SKAP1: variants seen among roughly 807,000 people sequenced by gnomAD.
SKAP1 encodes src kinase-associated phosphoprotein 1.
A neutral mutation model predicts 58.5 loss-of-function variants in SKAP1; 44 were observed. The observed-to-expected ratio is 0.75, with a 90% CI of 0.59 to 0.97. The LOEUF (loss-of-function observed/expected upper bound fraction) is 0.97, where lower values mean the gene tolerates loss of function less well. Among genes scored for constraint, SKAP1 ranks in the 50% least tolerant of loss-of-function variants. The pLI, the probability that SKAP1 is intolerant of heterozygous loss-of-function variation, is 0.00. For synonymous variants in SKAP1, 127 were observed against 149.7 expected (o/e 0.85, Z 1.11); for missense variants, 390 against 435.2 (o/e 0.90, Z 0.92).
At chr17:48,204,070 A>G (rs992809161) in intron 4 of SKAP1, 1 of 151,240 alleles carries the variant, frequency 6.6e-6, no homozygotes, top group African/African-American at 2.4e-5. Context: ...CCAAGATATA[A>G]ACTCAGATTT....
At chr17:48,356,640 C>G (rs1283688216) in intron 3 of SKAP1, among the ~76,000 whole-genome samples, 2 of 152,116 alleles carry the variant, frequency 1.3e-5, no homozygotes, top group African/African-American at 4.8e-5. Flanking sequence ...CTGTATCCAG[C>G]TTTTCTTCCT....
intron 4 of SKAP1, among the ~76,000 whole-genome samples, chr17:48,206,488 A>G (rs2064812186): frequency 6.6e-6 from 1 of 152,034 alleles, no homozygotes; most frequent in Admixed American, 6.6e-5. Flanking sequence ...TAATTATACA[A>G]TTTTATAAGG....
intron 4 of SKAP1, among the ~76,000 whole-genome samples, chr17:48,225,229 C>A (rs1338845088): frequency 2.0e-5 from 3 of 152,150 alleles, no homozygotes; most frequent in African/African-American, 7.2e-5. Flanking sequence ...CATAGAGGCT[C>A]CCTGTATTCC....
chr17:48,190,535 C>T (rs1371911617), intron 4 of SKAP1, among the ~76,000 whole-genome samples: 2 of 152,150 alleles, frequency 1.3e-5, no homozygotes, highest in African/African-American at 2.4e-5. Flanking sequence ...CCACCATAAA[C>T]GTAGTCACCT....
intron 4 of SKAP1, among the ~76,000 whole-genome samples, chr17:48,315,859 A>G (rs1268861558): frequency 6.6e-6 from 1 of 152,196 alleles, no homozygotes; most frequent in East Asian, 1.9e-4. Flanking sequence ...TGAAACATAA[A>G]TGGATTTCAT....
chr17:48,227,630 T>A (rs1392887551), intron 4 of SKAP1, among the ~76,000 whole-genome samples: 1 of 152,174 alleles, frequency 6.6e-6, no homozygotes, highest in African/African-American at 2.4e-5. Flanking sequence ...AGGATTGGCA[T>A]TTTGGAATTT....
intron 2 of SKAP1, among the ~76,000 whole-genome samples, chr17:48,371,993 G>A (rs537842519): frequency 6.6e-6 from 1 of 151,940 alleles, no homozygotes; most frequent in East Asian, 1.9e-4. Flanking sequence ...ATTTTTTTGA[G>A]ACAGAGTCTC....
At chr17:48,382,923 C>T (rs11079819) in intron 2 of SKAP1, among the ~76,000 whole-genome samples, 14,086 of 152,144 alleles carry the variant, frequency 0.093, 997 homozygotes, top group African/African-American at 0.17. Flanking sequence ...GAAAACAAAC[C>T]TTCAAACCTT....
intron 4 of SKAP1, among the ~76,000 whole-genome samples, chr17:48,345,545 A>G (rs1321066783): frequency 6.6e-6 from 1 of 152,198 alleles, no homozygotes; most frequent in Non-Finnish European, 1.5e-5. Flanking sequence ...AAAAGCTTCA[A>G]TTCTCATGTA....
chr17:48,154,477 G>A (rs1326710983), intron 11 of SKAP1, among the ~76,000 whole-genome samples: 1 of 152,048 alleles, frequency 6.6e-6, no homozygotes, highest in Non-Finnish European at 1.5e-5. Flanking sequence ...AATCTTATGC[G>A]TACCCAACTT....
intron 2 of SKAP1, among the ~76,000 whole-genome samples, chr17:48,376,323 T>C (rs571955396): frequency 2.6e-5 from 4 of 152,230 alleles, no homozygotes; most frequent in East Asian, 3.9e-4. Context: ...ATGAGAACAA[T>C]GAAGCATGGA....
chr17:48,138,305 A>G (rs1281354681), intron 11 of SKAP1, among the ~76,000 whole-genome samples: 2 of 151,828 alleles, frequency 1.3e-5, no homozygotes, highest in Non-Finnish European at 2.9e-5. Context: ...CCCACGTTCA[A>G]GCAATTCTCC....
intron 4 of SKAP1, among the ~76,000 whole-genome samples, chr17:48,259,225 G>A (rs747507824): frequency 8.6e-5 from 13 of 151,994 alleles, no homozygotes; most frequent in Middle Eastern, 3.4e-3. Flanking sequence ...CAGAGGATTC[G>A]CAATAAAATG....
At chr17:48,369,095 C>T (rs1246546002) in intron 2 of SKAP1, among the ~76,000 whole-genome samples, 5 of 151,820 alleles carry the variant, frequency 3.3e-5, no homozygotes, top group South Asian at 2.1e-4. Flanking sequence ...TGCAGTGAGC[C>T]GAGATCGCGC....
At chr17:48,339,421 T>C (rs1376905167) in intron 4 of SKAP1, among the ~76,000 whole-genome samples, 1 of 152,194 alleles carries the variant, frequency 6.6e-6, no homozygotes, top group East Asian at 1.9e-4. Flanking sequence ...ACTCCAAATA[T>C]GTTCACATAG....
chr17:48,241,596 T>C (rs1289295256), intron 4 of SKAP1, among the ~76,000 whole-genome samples: 6 of 152,140 alleles, frequency 3.9e-5, no homozygotes, highest in Admixed American at 3.9e-4. Flanking sequence ...GATAAGTCTA[T>C]ATTTAATACT....
intron 4 of SKAP1, among the ~76,000 whole-genome samples, chr17:48,316,762 A>G (rs1018502684): frequency 3.0e-4 from 45 of 152,194 alleles, no homozygotes; most frequent in African/African-American, 1.1e-3. Context: ...CCTCAAAAGA[A>G]TGTTCACATG....
At chr17:48,139,970 A>G (rs1190454906) in intron 11 of SKAP1, among the ~76,000 whole-genome samples, 2 of 152,204 alleles carry the variant, frequency 1.3e-5, no homozygotes, top group Non-Finnish European at 2.9e-5. Context: ...TTGCCTGTAA[A>G]GTAAATGGCT....
the SKAP1 span, among the ~76,000 whole-genome samples, chr17:48,442,164 T>C: frequency 6.6e-6 from 1 of 152,066 alleles, no homozygotes; most frequent in Non-Finnish European, 1.5e-5. Context: ...AATACTCCAG[T>C]AGTTGGTAGG....
Sources: gnomAD v4.1 joint callset for allele counts (sites outside exome capture counted in the v4.1 genomes callset) on GRCh38, gnomAD v4.1.1 for gene constraint, MANE v1.5 for transcripts, NCBI Gene and HGNC (gene_info 2026-07-23, HGNC 2026-07-21) for gene names.